The following LIPF variants were observed in gnomAD, a reference collection of about 807,000 sequenced individuals.
LIPF encodes gastric triacylglycerol lipase.
Under a neutral mutation model 38.0 loss-of-function variants are expected in LIPF, and 25 were observed. The ratio of observed to expected loss-of-function variants is 0.66; its 90% CI spans 0.48 to 0.92. LIPF has a LOEUF of 0.92. Among genes scored for constraint, LIPF ranks in the 40% least tolerant of loss-of-function variants. LIPF has a pLI of 0.00. For synonymous variants in LIPF, 161 were observed against 156.2 expected, an observed-to-expected ratio of 1.03 and a Z score of -0.23; for missense variants, 410 against 469.9, an observed-to-expected ratio of 0.87 and a Z score of 1.18.
chr10:88,669,209 C>G (rs1483967789), intron 4 of LIPF: 1 of 159,964 alleles, frequency 6.3e-6, no homozygotes, highest in Non-Finnish European at 1.4e-5. Context: ...GTGCCTTATT[C>G]CTGGAAATTA....
chr10:88,668,371 G>A (rs1199552009), intron 3 of LIPF, among the ~76,000 whole-genome samples, 187 bp from the exon 4 acceptor site: 1 of 152,122 alleles, frequency 6.6e-6, no homozygotes, highest in Non-Finnish European at 1.5e-5. Context: ...AGTTTCATAA[G>A]TTTTGGCATC....
intron 9 of LIPF, 39 bp downstream of exon 9, chr10:88,676,319 A>C (rs1184902003): frequency 8.6e-7 from 1 of 1,159,928 alleles, no homozygotes; most frequent in East Asian, 2.4e-5. Context: ...CATTTTGAAC[A>C]ACAATACTAA....
In LIPF at chr10:88,671,897, G is replaced by C; in HGVS notation, c.601G>C (p.Val201Leu). Residue 201 changes from valine (V) to leucine (L), a missense_variant, in exon 6 of 10, where the codon GTT (valine) becomes CTT (leucine). Coordinates refer to ENST00000238983, the MANE Select transcript of LIPF (RefSeq NM_004190.4). ...CAAAACCTTCTATGCTCTAGCTCCTGTTGCCACTGTGAAGTATACAAAAAG... is the reference window on the plus strand; with the variant it reads ...CAAAACCTTCTATGCTCTAGCTCCTCTTGCCACTGTGAAGTATACAAAAAG... ...RIKTFYALAP[V>L]ATVKYTKSLI... The C allele has an allele frequency of 6.2e-7, 1 of 1,613,496 alleles. No homozygotes were observed. The highest frequency in any genetic ancestry group is 8.5e-7 in the Non-Finnish European group (1 of 1,179,692).
At chr10:88,669,598 A>G (rs575400306) in intron 4 of LIPF, 27 of 336,432 alleles carry the variant, frequency 8.0e-5, no homozygotes, top group East Asian at 6.4e-4. Flanking sequence ...ATTCCCACCT[A>G]CAGATACTAT....
intron 3 of LIPF, 69 bp downstream of exon 3, chr10:88,667,755 T>C (rs762277774): frequency 7.7e-5 from 52 of 673,616 alleles, no homozygotes; most frequent in Non-Finnish European, 1.3e-4. Context: ...CTTCCTTCCC[T>C]CTCTCCTTTC....
At chr10:88,677,060 C>A (rs1841700048) in intron 9 of LIPF, among the ~76,000 whole-genome samples, 1 of 152,126 alleles carries the variant, frequency 6.6e-6, no homozygotes, top group East Asian at 1.9e-4. Context: ...CCAATTTTTC[C>A]ATCCAAGTAG....
At chr10:88,665,837 C>T (rs770464863) in intron 1 of LIPF, among the ~76,000 whole-genome samples, 2 of 149,240 alleles carry the variant, frequency 1.3e-5, no homozygotes, top group Non-Finnish European at 3.0e-5. Context: ...TCCGCCTCCT[C>T]GGTTCAAGGA....
intron 1 of LIPF, among the ~76,000 whole-genome samples, chr10:88,665,961 TCTC>T (rs1346739667): frequency 6.6e-6 from 1 of 152,008 alleles, no homozygotes; most frequent in African/African-American, 2.4e-5. Flanking sequence ...ATGGCCTCGA[TCTC>T]CTGACCTCCT....
intron 1 of LIPF, among the ~76,000 whole-genome samples, chr10:88,664,927 T>C (rs894493925): frequency 6.6e-6 from 1 of 152,264 alleles, no homozygotes; most frequent in Admixed American, 6.5e-5. Context: ...TTGATCATTA[T>C]TAATACGATT....
rs563884284 is a variant in LIPF at position 88,672,891 on chromosome 10, T to C, written c.670-697T>C. On this transcript the variant is annotated intron_variant, in intron 6 of 9. Coordinates refer to ENST00000238983, the MANE Select transcript of LIPF (RefSeq NM_004190.4). ...TTTTTGATGGCCCAGAAATATTTAT[T>C]GGCTACATTGATTGAGAACTTATTT... 1.3e-4 allele frequency among the ~76,000 whole-genome samples: 20 copies of C among 152,324 alleles called. 1 individual carries two copies. Among genetic ancestry groups the C allele is most frequent in the African/African-American group, 4.3e-4 (18 of 41,562 alleles).
intron 4 of LIPF, chr10:88,669,199 G>A (rs1232029262): frequency 6.2e-6 from 1 of 161,130 alleles, no homozygotes; most frequent in African/African-American, 2.4e-5. Flanking sequence ...TGGTCTTCTT[G>A]TGCCTTATTC....
intron 5 of LIPF, among the ~76,000 whole-genome samples, chr10:88,670,733 T>G (rs1841583483): frequency 6.6e-6 from 1 of 152,138 alleles, no homozygotes; most frequent in Non-Finnish European, 1.5e-5. Context: ...TCGGGGCTCT[T>G]TGGCTGTTGT....
At chr10:88,669,789 C>A (rs1841566460) in intron 4 of LIPF, 48 bp from the exon 5 acceptor site, 4 of 1,307,382 alleles carry the variant, frequency 3.1e-6, no homozygotes, top group African/African-American at 2.9e-5. Flanking sequence ...ATTTTAGAAA[C>A]AATAGCAAGG....
chr10:88,676,368 A>T, intron 9 of LIPF, 88 bp downstream of exon 9: 1 of 787,040 alleles, frequency 1.3e-6, no homozygotes, highest in Non-Finnish European at 2.1e-6. Flanking sequence ...TTAACTGCGC[A>T]TCTGTTTTCC....
At chr10:88,675,558 T>C (rs1395700951) in intron 7 of LIPF, 28 bp from the exon 8 acceptor site, 4 of 1,519,096 alleles carry the variant, frequency 2.6e-6, no homozygotes, top group African/African-American at 1.4e-5. Context: ...TTAGTATGTA[T>C]ATAATATGTG....
chr10:88,668,082 C>T (rs998509079), intron 3 of LIPF, among the ~76,000 whole-genome samples: 2 of 152,020 alleles, frequency 1.3e-5, no homozygotes, highest in Non-Finnish European at 2.9e-5. Flanking sequence ...AAGAGTTAGC[C>T]AGGGTGTGTG....
At chr10:88,667,443 G>T in intron 2 of LIPF, 41 bp downstream of exon 2, 1 of 1,230,334 alleles carries the variant, frequency 8.1e-7, no homozygotes, top group Non-Finnish European at 1.2e-6. Flanking sequence ...ACTAAAAGAT[G>T]CTATTATTTA....
chr10:88,668,409 C>A, intron 3 of LIPF, 149 bp from the exon 4 acceptor site: 1 of 696,808 alleles, frequency 1.4e-6, no homozygotes, highest in Non-Finnish European at 2.3e-6. Context: ...GAGAAATCAT[C>A]ACCACAATTA....
Position 88,678,787 on chromosome 10 carries a change from A to T in LIPF, c.*106A>T. On this transcript the variant is annotated 3_prime_UTR_variant, in exon 10 of 10. Coordinates refer to ENST00000238983, the MANE Select transcript of LIPF (RefSeq NM_004190.4). ...TGCAGTGCTTCTTTCTGTAATTTTGACTTTAGAAATATATTGGCATCAACA... is the reference window on the plus strand; with the variant it reads ...TGCAGTGCTTCTTTCTGTAATTTTGTCTTTAGAAATATATTGGCATCAACA... The T allele has an allele frequency of 1.4e-6, 1 of 724,056 alleles. No homozygotes were observed. Among genetic ancestry groups the T allele is most frequent in the Non-Finnish European group, 2.2e-6 (1 of 445,506 alleles). 44.9% of individuals were successfully genotyped at this position (724,056 alleles called of 1,614,324 possible).
Sources: gnomAD v4.1 joint callset for allele counts (sites outside exome capture counted in the v4.1 genomes callset) on GRCh38, gnomAD v4.1.1 for gene constraint, MANE v1.5 for transcripts, NCBI Gene and HGNC (gene_info 2026-07-23, HGNC 2026-07-21) for gene names.